CRYAB: variants seen among roughly 807,000 people sequenced by gnomAD.
CRYAB encodes crystallin alpha B, also known as alpha-crystallin B chain.
In CRYAB, 9 loss-of-function variants were observed where a neutral mutation model predicts 12.7. The observed-to-expected ratio is 0.71, with a 90% confidence interval of 0.43 to 1.24. The LOEUF (loss-of-function observed/expected upper bound fraction) is 1.24. CRYAB is among the 50% of genes most tolerant of loss of function. The pLI, the probability that CRYAB is intolerant of heterozygous loss-of-function variation, is 0.00. For synonymous variants in CRYAB, 93 were observed against 86.8 expected (o/e 1.07, Z -0.40); for missense variants, 183 against 226.6 (o/e 0.81, Z 1.24).
chr11:111,909,987 C>T (rs1965402250), intron 2 of CRYAB: 5 of 601,380 alleles, frequency 8.3e-6, no homozygotes, highest in Non-Finnish European at 1.5e-5. Flanking sequence ...AGCACATATG[C>T]TAATTGGTCT....
At chr11:111,922,672 C>T (rs1394573185) in intron 1 of CRYAB, among the ~76,000 whole-genome samples, 4 of 152,170 alleles carry the variant, frequency 2.6e-5, no homozygotes, top group African/African-American at 9.7e-5. Flanking sequence ...CCATTAATTG[C>T]ATATGCCATT....
At chr11:111,921,654 C>T (rs1965701030) in intron 1 of CRYAB, among the ~76,000 whole-genome samples, 2 of 152,158 alleles carry the variant, frequency 1.3e-5, no homozygotes, top group African/African-American at 4.8e-5. Flanking sequence ...CTTTTATTCT[C>T]TTTCTTCCCA....
upstream of CRYAB, chr11:111,912,697 T>G (rs1965504028): frequency 5.9e-5 from 14 of 239,250 alleles, no homozygotes; most frequent in Middle Eastern, 1.7e-3. Context: ...CCCAAGAGGC[T>G]CGGCACTATT....
intron 1 of CRYAB, chr11:111,919,147 C>A: frequency 1.1e-6 from 1 of 903,510 alleles, no homozygotes; most frequent in Non-Finnish European, 1.7e-6. Context: ...GTTCCAACAC[C>A]AGAGCAGCAC....
chr11:111,916,864 CT>C (rs1193859391), upstream of CRYAB, among the ~76,000 whole-genome samples: 99 of 142,650 alleles, frequency 6.9e-4, no homozygotes, highest in Middle Eastern at 3.6e-3. Flanking sequence ...TTTTTCTTTT[CT>C]TTTTTTTTTT....
At chr11:111,910,876 C>A in intron 1 of CRYAB, 1 of 294,402 alleles carries the variant, frequency 3.4e-6, no homozygotes, top group Non-Finnish European at 6.5e-6. Context: ...CTTCCAAAGC[C>A]CTTGCCCACT....
At chr11:111,911,924 T>G, upstream of CRYAB, 1 of 588,002 alleles carries the variant, frequency 1.7e-6, no homozygotes, top group Non-Finnish European at 3.0e-6. Context: ...CTCACTGAGC[T>G]AAGAAAAGAG....
At chr11:111,917,167 C>G (rs954884646), upstream of CRYAB, among the ~76,000 whole-genome samples, 1 of 152,162 alleles carries the variant, frequency 6.6e-6, no homozygotes, top group African/African-American at 2.4e-5. Flanking sequence ...CTGTGTAAAC[C>G]CAGCTGCTTA....
At chr11:111,919,027 G>C (rs587599967) in intron 1 of CRYAB, 1 of 1,614,016 alleles carries the variant, frequency 6.2e-7, no homozygotes, top group Non-Finnish European at 8.5e-7. Context: ...GAAGGGCAAA[G>C]GGGAACATCT....
rs1314475142 is a variant in CRYAB, at chr11:111,909,784, C to T, written c.324+543G>A. Reference sequence around the variant, plus strand: ...ATTCTTGCACAGCTAAAAGAGAAGTCACAACTCAAGTGCTTTTAGGGTACC... The same window carrying T: ...ATTCTTGCACAGCTAAAAGAGAAGTTACAACTCAAGTGCTTTTAGGGTACC... On this transcript the variant is annotated intron_variant, in intron 2 of 2. Transcript: ENST00000650687. 3 of 234,320 alleles carry T rather than the reference C, an allele frequency of 1.3e-5. No individual in the cohort carries two copies. The East Asian group carries it at 3.2e-4, about 25-fold the overall frequency. The allele number at this position is 234,320 out of a possible 1,614,324, so 14.5% of individuals were successfully genotyped here.
At chr11:111,921,954 T>A (rs1965707329) in intron 1 of CRYAB, among the ~76,000 whole-genome samples, 1 of 152,162 alleles carries the variant, frequency 6.6e-6, no homozygotes, top group African/African-American at 2.4e-5. Context: ...TGCCTCAGTC[T>A]CCCTAGTAGC....
At chr11:111,919,163 T>G in intron 1 of CRYAB, 1 of 807,284 alleles carries the variant, frequency 1.2e-6, no homozygotes, top group Non-Finnish European at 2.0e-6. Flanking sequence ...AGCACCTCCT[T>G]TCAGGAGGCC....
At chr11:111,912,947 T>TGGG (rs2137388204), upstream of CRYAB, 3 of 1,143,258 alleles carry the variant, frequency 2.6e-6, no homozygotes, top group Non-Finnish European at 3.5e-6. Context: ...ACCACCCCCT[T>TGGG]GCCCCCCACC....
At chr11:111,916,864 CTT>C (rs1193859391), upstream of CRYAB, among the ~76,000 whole-genome samples, 3 of 142,840 alleles carry the variant, frequency 2.1e-5, no homozygotes, top group African/African-American at 2.6e-5. Flanking sequence ...TTTTTCTTTT[CTT>C]TTTTTTTTTA....
intron 1 of CRYAB, chr11:111,910,726 GCCTGGCAT>G (rs1305694144): frequency 5.9e-6 from 3 of 504,588 alleles, no homozygotes; most frequent in African/African-American, 5.8e-5. Flanking sequence ...ATGGGTGCAA[GCCTGGCAT>G]CTGCTGCCTC....
chr11:111,915,250 C>T (rs1965580164), upstream of CRYAB, among the ~76,000 whole-genome samples: 1 of 152,122 alleles, frequency 6.6e-6, no homozygotes, highest in Non-Finnish European at 1.5e-5. Flanking sequence ...ATTCACATAC[C>T]CCCCTTAGGG....
At chr11:111,920,639 T>C (rs1965680695) in intron 1 of CRYAB, among the ~76,000 whole-genome samples, 2 of 150,888 alleles carry the variant, frequency 1.3e-5, no homozygotes. Context: ...TGGTGCGTGC[T>C]TGTAATCCCA....
At chr11:111,914,294 A>G (rs990752339), upstream of CRYAB, among the ~76,000 whole-genome samples, 6 of 152,160 alleles carry the variant, frequency 3.9e-5, no homozygotes, top group Non-Finnish European at 8.8e-5. Context: ...TTTTCTCACA[A>G]TGCAACAAAA....
upstream of CRYAB, among the ~76,000 whole-genome samples, chr11:111,917,841 A>G (rs782583751): frequency 3.9e-4 from 60 of 152,116 alleles, no homozygotes; most frequent in Non-Finnish European, 7.9e-4. Context: ...CCTGTCTTTA[A>G]AAATAAAAGA....
Sources: allele counts gnomAD v4.1 joint callset (sites outside exome capture counted in the v4.1 genomes callset), GRCh38; gene constraint gnomAD v4.1.1; transcripts MANE v1.5; gene names NCBI Gene and HGNC (gene_info 2026-07-23, HGNC 2026-07-21).